PLSCR2: variants seen among roughly 807,000 people sequenced by gnomAD.
PLSCR2 encodes the protein PL scramblase 2.
A neutral mutation model predicts 25.3 loss-of-function variants in PLSCR2; 18 were observed. The ratio of observed to expected loss-of-function variants is 0.71; its 90% CI spans 0.49 to 1.06. PLSCR2 has a LOEUF of 1.06. PLSCR2 is among the 50% of genes least tolerant of loss of function. The pLI, the probability that PLSCR2 is intolerant of heterozygous loss-of-function variation, is 0.00. For synonymous variants in PLSCR2, 88 were observed against 87.3 expected (o/e 1.01, Z -0.04); for missense variants, 243 against 269.5 (o/e 0.90, Z 0.69).
At chr3:146,455,167 T>C (rs998639002) in intron 4 of PLSCR2, 72 bp downstream of exon 4, 7 of 985,610 alleles carry the variant, frequency 7.1e-6, no homozygotes, top group South Asian at 2.8e-5. Flanking sequence ...CATTTGATTA[T>C]ACAGATTCAA....
chr3:146,486,237 C>T (rs1488041866), intron 1 of PLSCR2, among the ~76,000 whole-genome samples: 3 of 151,886 alleles, frequency 2.0e-5, no homozygotes, highest in African/African-American at 7.3e-5. Context: ...AATTGACACC[C>T]TAACATCACA....
exon 5 of PLSCR2, chr3:146,454,030 C>G (rs1391792133): frequency 6.3e-7 from 1 of 1,599,460 alleles, no homozygotes; most frequent in Non-Finnish European, 8.5e-7. Context: ...AATACAGCTG[C>G]ACACGATACA....
chr3:146,423,234 CCT>C (rs200145864), intron 2 of PLSCR2, among the ~76,000 whole-genome samples: 3,256 of 53,352 alleles, frequency 0.061, 115 homozygotes, highest in Admixed American at 0.094. Context: ...CCTTGCAGTG[CCT>C]CTCTCTCTCT....
At chr3:146,391,919 A>G (rs979846061) in intron 3 of PLSCR2, among the ~76,000 whole-genome samples, 1 of 152,150 alleles carries the variant, frequency 6.6e-6, no homozygotes, top group East Asian at 1.9e-4. Context: ...AATCAATCCC[A>G]AAATCTACCA....
chr3:146,461,408 G>A (rs2041563211), upstream of PLSCR2, among the ~76,000 whole-genome samples: 1 of 152,052 alleles, frequency 6.6e-6, no homozygotes, highest in South Asian at 2.1e-4. Context: ...CTCGTGATTG[G>A]CTCTGTTGTG....
Position 146,469,483 on chromosome 3 carries a change from C to T in PLSCR2, c.-292-9199G>A, listed in dbSNP as rs2042020569. 1 of 978,734 alleles carries T rather than the reference C, an allele frequency of 1.0e-6. No homozygotes were observed. Among genetic ancestry groups the T allele is most frequent in the Non-Finnish European group, 1.2e-6 (1 of 823,846 alleles). The allele number at this position is 978,734 out of a possible 1,614,324, so 60.6% of individuals were successfully genotyped here. On this transcript the variant is annotated intron_variant, in intron 1 of 8. Transcript: ENST00000336685. ...TCCCATAGGGAGGCGACTGAGAAAG[C>T]CGCCCCCTTACCCGTGGCTGCAGCT... is the stretch of plus-strand genomic sequence containing the variant.
chr3:146,445,262 G>T (rs1213845631), intron 6 of PLSCR2, among the ~76,000 whole-genome samples: 1 of 152,028 alleles, frequency 6.6e-6, no homozygotes, highest in Non-Finnish European at 1.5e-5. Flanking sequence ...AGTGAGTTTT[G>T]CACCTTCAGG....
At chr3:146,396,768 C>A (rs1355072335) in intron 2 of PLSCR2, among the ~76,000 whole-genome samples, 1 of 152,086 alleles carries the variant, frequency 6.6e-6, no homozygotes, top group Admixed American at 6.6e-5. Flanking sequence ...CATAACACAG[C>A]CTTGTAAGTA....
intron 2 of PLSCR2, among the ~76,000 whole-genome samples, chr3:146,409,347 A>G (rs2038767665): frequency 6.6e-6 from 1 of 151,954 alleles, no homozygotes; most frequent in Non-Finnish European, 1.5e-5. Context: ...TGGGTGAGGG[A>G]GACTCTTCTC....
chr3:146,477,683 A>C (rs2042968460), intron 1 of PLSCR2, among the ~76,000 whole-genome samples: 2 of 152,196 alleles, frequency 1.3e-5, no homozygotes, highest in South Asian at 4.1e-4. Flanking sequence ...GACAGCAGAA[A>C]CTTCTGCAGA....
At chr3:146,427,695 C>G (rs777259660) in intron 2 of PLSCR2, among the ~76,000 whole-genome samples, 1 of 152,118 alleles carries the variant, frequency 6.6e-6, no homozygotes, top group Non-Finnish European at 1.5e-5. Flanking sequence ...AAGTCACCAC[C>G]CACAGGAAGA....
intron 2 of PLSCR2, among the ~76,000 whole-genome samples, chr3:146,426,872 T>C (rs968162717): frequency 6.6e-6 from 1 of 152,146 alleles, no homozygotes; most frequent in Non-Finnish European, 1.5e-5. Flanking sequence ...TTTCCATGTA[T>C]ACAAAAATAA....
chr3:146,495,561 C>T (rs925374605), intron 1 of PLSCR2, among the ~76,000 whole-genome samples: 1 of 151,710 alleles, frequency 6.6e-6, no homozygotes, highest in African/African-American at 2.4e-5. Context: ...AAATAGACCC[C>T]AGAAAGACCC....
At chr3:146,477,708 C>T (rs1339740343) in intron 1 of PLSCR2, among the ~76,000 whole-genome samples, 1 of 152,242 alleles carries the variant, frequency 6.6e-6, no homozygotes, top group Admixed American at 6.5e-5. Flanking sequence ...AACACCCTGT[C>T]TGACAGCTCT....
In PLSCR2 at chr3:146,469,578, G is replaced by C. The variant is rs1432726831; in HGVS notation, c.-292-9294C>G. On this transcript the variant is annotated intron_variant, in intron 1 of 8. Coordinates refer to the PLSCR2 transcript ENST00000336685. ...CTCCCGTCTGCCCCGTGACTGCCAG[G>C]CACACCTGTTGCACAGCCCTCCCGG... 4.1e-6 allele frequency: 4 copies of C among 985,292 alleles called. No individual in the cohort carries two copies. The highest frequency in any genetic ancestry group is 4.8e-6 in the Non-Finnish European group (4 of 829,912). 61.0% of individuals were successfully genotyped at this position (985,292 alleles called of 1,614,324 possible). A position where few individuals can be genotyped will look rare whatever the true frequency, so the allele number is the denominator to read the frequency against.
At chr3:146,405,664 A>G (rs1559971374) in intron 2 of PLSCR2, among the ~76,000 whole-genome samples, 1 of 152,186 alleles carries the variant, frequency 6.6e-6, no homozygotes, top group Non-Finnish European at 1.5e-5. Context: ...GAAGCTATGC[A>G]TTGTTTTATA....
At chr3:146,482,316 A>T (rs2043158549) in intron 1 of PLSCR2, among the ~76,000 whole-genome samples, 2 of 152,228 alleles carry the variant, frequency 1.3e-5, no homozygotes, top group Admixed American at 1.3e-4. Context: ...AAATTTTTGC[A>T]ATCTACCCAT....
At chr3:146,445,084 T>C (rs976215022) in intron 6 of PLSCR2, among the ~76,000 whole-genome samples, 2 of 152,110 alleles carry the variant, frequency 1.3e-5, no homozygotes, top group Non-Finnish European at 2.9e-5. Context: ...TTTTTAAATT[T>C]GTTGTTGTTT....
chr3:146,438,299 G>A (rs2040012656), downstream of PLSCR2, among the ~76,000 whole-genome samples: 1 of 152,144 alleles, frequency 6.6e-6, no homozygotes, highest in Non-Finnish European at 1.5e-5. Flanking sequence ...TCTGCTTGGT[G>A]CAGAGCTGAG....
Sources: allele counts gnomAD v4.1 joint callset (sites outside exome capture counted in the v4.1 genomes callset), GRCh38; gene constraint gnomAD v4.1.1; transcripts MANE v1.5; gene names NCBI Gene and HGNC (gene_info 2026-07-23, HGNC 2026-07-21).